Variants in DOCK10 observed in about 807,000 individuals in gnomAD.
DOCK10 encodes the protein dedicator of cytokinesis 10.
Under a neutral mutation model 280.1 loss-of-function variants are expected in DOCK10, and 145 were observed. The observed-to-expected ratio is 0.52, with a 90% CI of 0.45 to 0.59. The LOEUF (loss-of-function observed/expected upper bound fraction) is 0.59. Among genes scored for constraint, DOCK10 ranks in the 20% least tolerant of loss-of-function variants. DOCK10 has a pLI of 0.00. For missense variants in DOCK10, 2,368 were observed against 2,651.7 expected (o/e 0.89, Z 2.35); for synonymous variants, 915 against 942.2 (o/e 0.97, Z 0.53).
At chr2:224,802,467 TCTTG>T (rs1693079846) in intron 39 of DOCK10, among the ~76,000 whole-genome samples, 1 of 152,174 alleles carries the variant, frequency 6.6e-6, no homozygotes, top group South Asian at 2.1e-4. Context: ...CTAAAACAAC[TCTTG>T]CTTTCCGAGG....
chr2:224,905,211 A>G (rs1034233292), intron 3 of DOCK10, among the ~76,000 whole-genome samples: 4 of 151,252 alleles, frequency 2.6e-5, no homozygotes, highest in African/African-American at 9.7e-5. Context: ...CAATTTAAAG[A>G]TCAATAAACG....
chr2:224,778,464 T>A (rs1691036761), intron 50 of DOCK10, 180 bp from the exon 51 acceptor site: 1 of 674,714 alleles, frequency 1.5e-6, no homozygotes, highest in African/African-American at 1.8e-5. Context: ...TAAAGTATCA[T>A]CTTATAATCA....
At chr2:224,993,874 C>G (rs1232797950) in intron 1 of DOCK10, among the ~76,000 whole-genome samples, 1 of 152,124 alleles carries the variant, frequency 6.6e-6, no homozygotes, top group Non-Finnish European at 1.5e-5. Context: ...ACCTGGTCAG[C>G]TGCATGTACT....
intron 23 of DOCK10, among the ~76,000 whole-genome samples, chr2:224,840,393 G>A (rs992851531): frequency 4.6e-5 from 7 of 152,070 alleles, no homozygotes; most frequent in Non-Finnish European, 1.0e-4. Flanking sequence ...AAATATATAA[G>A]GAACTCAAAC....
At chr2:224,936,584 A>C (rs1205881320) in intron 1 of DOCK10, among the ~76,000 whole-genome samples, 1 of 150,604 alleles carries the variant, frequency 6.6e-6, no homozygotes, top group Non-Finnish European at 1.5e-5. Context: ...ATTAAAACTA[A>C]ATTTTTTAAA....
intron 1 of DOCK10, among the ~76,000 whole-genome samples, chr2:224,984,005 T>C (rs1381844633): frequency 2.6e-5 from 4 of 152,170 alleles, no homozygotes; most frequent in Admixed American, 2.0e-4. Context: ...GGTGTCCACT[T>C]GAGACAAAGG....
At chr2:224,792,890 T>G (rs528319046) in intron 47 of DOCK10, 84 bp downstream of exon 47, 41 of 1,065,100 alleles carry the variant, frequency 3.8e-5, no homozygotes, top group African/African-American at 3.3e-4. Flanking sequence ...TAAGAATATA[T>G]TTAAGAAGGT....
intron 1 of DOCK10, among the ~76,000 whole-genome samples, chr2:224,998,510 A>C (rs1374349541): frequency 6.6e-6 from 1 of 152,120 alleles, no homozygotes; most frequent in Non-Finnish European, 1.5e-5. Context: ...CATCTCTTCC[A>C]GGGTCTTGCT....
intron 42 of DOCK10, 102 bp from the exon 43 acceptor site, chr2:224,797,248 T>G: frequency 1.1e-6 from 1 of 895,746 alleles, no homozygotes; most frequent in South Asian, 2.9e-5. Context: ...CTCTCCTTTT[T>G]TTTTTTAACT....
chr2:224,914,243 A>AT lies in DOCK10; in HGVS notation c.333+2451dup, dbSNP rs978952157. 1.6e-4 allele frequency among the ~76,000 whole-genome samples: 25 copies of AT among 152,252 alleles called. 1 individual carries two copies. Among genetic ancestry groups the AT allele is most frequent in the African/African-American group, 4.3e-4 (18 of 41,540 alleles). On this transcript the variant is annotated intron_variant, in intron 3 of 55. Coordinates refer to ENST00000258390, the MANE Select transcript of DOCK10 (RefSeq NM_014689.3). ...CTATGCACTTAAATTTGTTTTAGGT[A>AT]TTTTTTGTTTCACTGGTTTATTTGT...
chr2:224,823,333 A>G (rs1413606002), intron 28 of DOCK10, among the ~76,000 whole-genome samples, 168 bp downstream of exon 28: 3 of 152,148 alleles, frequency 2.0e-5, no homozygotes, highest in African/African-American at 7.2e-5. Flanking sequence ...GAAAAAAAAA[A>G]TTAAAAAGTA....
chr2:224,857,027 T>C (rs763099940), intron 14 of DOCK10, 45 bp from the exon 15 acceptor site: 2 of 1,499,750 alleles, frequency 1.3e-6, no homozygotes, highest in East Asian at 2.3e-5. Flanking sequence ...ATATTGTTTA[T>C]AAAGTTGTGT....
At position 225,042,402 on chromosome 2, in the gene DOCK10, C is replaced by T. The variant is rs879566456; in HGVS notation, c.-28G>A. ...CCGGTCACGCCAATCGCGCCGCGGG[C>T]CCGGGGCGCGCCTCCCGCCGGTCTT... On this transcript the variant is annotated 5_prime_UTR_variant, in exon 1 of 56. Coordinates refer to ENST00000258390, the MANE Select transcript of DOCK10 (RefSeq NM_014689.3). The surrounding 1 kb of genome is among the most constrained non-coding windows in gnomAD (Gnocchi z 5.1). 1.5e-4 allele frequency: 180 copies of T among 1,232,554 alleles called. No homozygotes were observed. The highest frequency in any genetic ancestry group is 1.7e-4 in the Non-Finnish European group (164 of 986,054). The allele number at this position is 1,232,554 out of a possible 1,614,324, so 76.4% of individuals were successfully genotyped here. A position where few individuals can be genotyped will look rare whatever the true frequency, so the allele number is the denominator to read the frequency against.
intron 53 of DOCK10, among the ~76,000 whole-genome samples, chr2:224,771,922 T>G (rs1690471772): frequency 6.6e-6 from 1 of 151,882 alleles, no homozygotes; most frequent in South Asian, 2.1e-4. Context: ...TTTGGCTTTT[T>G]TTTTTTTTTA....
At chr2:224,909,270 G>A (rs1700861913) in intron 3 of DOCK10, among the ~76,000 whole-genome samples, 1 of 152,166 alleles carries the variant, frequency 6.6e-6, no homozygotes. Context: ...AGTGGTGCTT[G>A]TTTTATCACG....
At chr2:225,026,683 T>C (rs1239961160) in intron 1 of DOCK10, among the ~76,000 whole-genome samples, 1 of 151,976 alleles carries the variant, frequency 6.6e-6, no homozygotes, top group Admixed American at 6.6e-5. Flanking sequence ...TTTGAAGTAA[T>C]TGAGGAACTT....
At chr2:225,001,909 A>C (rs1224843189) in intron 1 of DOCK10, among the ~76,000 whole-genome samples, 1 of 152,086 alleles carries the variant, frequency 6.6e-6, no homozygotes. Flanking sequence ...TCATGACCTA[A>C]CCATCTTCCA....
intron 22 of DOCK10, among the ~76,000 whole-genome samples, chr2:224,843,227 G>A (rs1322460126): frequency 6.6e-6 from 1 of 152,110 alleles, no homozygotes; most frequent in Non-Finnish European, 1.5e-5. Context: ...TGGGTCTTGC[G>A]GGAACTAGGT....
chr2:224,819,538 G>A lies in DOCK10; in HGVS notation c.3184-9C>T. On this transcript the variant is annotated splice_polypyrimidine_tract_variant and intron_variant, in intron 28 of 55. Transcript: ENST00000258390. The stretch of plus-strand genomic sequence containing the variant: ...ATAAATGTAAAGCAGCGCTAAAATA[G>A]ATAAAATTCTAAATTTAAACACTTT... 1.9e-6 allele frequency: 3 copies of A among 1,557,568 alleles called. No homozygotes were observed. Among genetic ancestry groups the A allele is most frequent in the Non-Finnish European group, 2.6e-6 (3 of 1,150,668 alleles).
Sources: gnomAD v4.1 joint callset for allele counts (sites outside exome capture counted in the v4.1 genomes callset) on GRCh38, gnomAD v4.1.1 for gene constraint, Gnocchi (gnomAD v3.1) non-coding constraint, MANE v1.5 for transcripts, NCBI Gene and HGNC (gene_info 2026-07-23, HGNC 2026-07-21) for gene names.